Variants in MAP2K4 observed in about 807,000 individuals in gnomAD.
MAP2K4 encodes the protein mitogen-activated protein kinase kinase 4.
MAP2K4 carries 4 observed loss-of-function variants against 48.5 expected under a neutral mutation model. The ratio of observed to expected loss-of-function variants is 0.08; its 90% confidence interval spans 0.04 to 0.19. The LOEUF (loss-of-function observed/expected upper bound fraction) is 0.19. MAP2K4 is among the 10% of genes least tolerant of loss of function. MAP2K4 has a pLI of 1.00. For synonymous variants in MAP2K4, 166 were observed against 173.1 expected (o/e 0.96, Z 0.32); for missense variants, 258 against 493.3 (o/e 0.52, Z 4.52).
chr17:12,047,427 G>A (rs1970003134), intron 1 of MAP2K4, among the ~76,000 whole-genome samples: 1 of 152,148 alleles, frequency 6.6e-6, no homozygotes, highest in African/African-American at 2.4e-5. Flanking sequence ...GGCAGGTATG[G>A]CGCTAAGGCA....
chr17:12,106,034 A>G (rs1972098425), intron 4 of MAP2K4, among the ~76,000 whole-genome samples: 1 of 152,104 alleles, frequency 6.6e-6, no homozygotes, highest in South Asian at 2.1e-4. Flanking sequence ...TTCATAGCTG[A>G]GGATGCGAGG....
chr17:12,107,401 T>G (rs1485295296), intron 4 of MAP2K4, among the ~76,000 whole-genome samples: 2 of 149,586 alleles, frequency 1.3e-5, no homozygotes, highest in Non-Finnish European at 3.0e-5. Context: ...TTTTTTTTTT[T>G]GGCTAATTTA....
chr17:12,063,285 T>A (rs988168577), intron 2 of MAP2K4, among the ~76,000 whole-genome samples: 1 of 152,138 alleles, frequency 6.6e-6, no homozygotes, highest in African/African-American at 2.4e-5. Flanking sequence ...GGTGGAAGGA[T>A]ATTAAGGATA....
chr17:12,105,779 CCTCT>C (rs1364966383), intron 4 of MAP2K4, among the ~76,000 whole-genome samples: 1 of 151,788 alleles, frequency 6.6e-6, no homozygotes, highest in African/African-American at 2.4e-5. Context: ...ATCACAAAGA[CCTCT>C]CTATCTCATT....
chr17:12,032,431 C>A (rs1362654316), intron 1 of MAP2K4: 3 of 410,482 alleles, frequency 7.3e-6, no homozygotes, highest in East Asian at 3.6e-5. Flanking sequence ...ATTTTTCATT[C>A]TTCTTCCAAA....
chr17:12,036,365 A>G (rs1334877907), intron 1 of MAP2K4: 1 of 152,232 alleles, frequency 6.6e-6, no homozygotes, highest in Non-Finnish European at 1.5e-5. Context: ...TTGTACATGT[A>G]AAGGTATTTA....
chr17:12,044,870 C>G (rs1399361829), intron 1 of MAP2K4, among the ~76,000 whole-genome samples: 2 of 152,240 alleles, frequency 1.3e-5, no homozygotes, highest in South Asian at 4.1e-4. Context: ...GCTGGTCTTT[C>G]TGGTCACCAG....
chr17:12,063,666 GTTTT>G (rs1158596863), intron 2 of MAP2K4, among the ~76,000 whole-genome samples: 2 of 152,054 alleles, frequency 1.3e-5, no homozygotes, highest in Non-Finnish European at 2.9e-5. Flanking sequence ...CTCATCAGAA[GTTTT>G]TTAAGAAAAT....
chr17:12,044,070 T>G (rs1969883466), intron 1 of MAP2K4, among the ~76,000 whole-genome samples: 3 of 152,178 alleles, frequency 2.0e-5, no homozygotes. Context: ...ACATTATCGG[T>G]AACAAAAGAC....
At chr17:12,071,999 A>G (rs944520841) in intron 2 of MAP2K4, among the ~76,000 whole-genome samples, 2 of 152,202 alleles carry the variant, frequency 1.3e-5, no homozygotes, top group Non-Finnish European at 2.9e-5. Flanking sequence ...AAAAGTGATG[A>G]ATTCACATGG....
intron 1 of MAP2K4, among the ~76,000 whole-genome samples, chr17:12,022,547 A>G (rs1260007589): frequency 1.3e-5 from 2 of 152,204 alleles, no homozygotes; most frequent in Non-Finnish European, 2.9e-5. Context: ...TATAAAAACA[A>G]GGTGATTTGT....
At chr17:12,075,074 T>C (rs1238910951) in intron 2 of MAP2K4, among the ~76,000 whole-genome samples, 1 of 152,212 alleles carries the variant, frequency 6.6e-6, no homozygotes, top group African/African-American at 2.4e-5. Flanking sequence ...GGGAATAATA[T>C]CTTGAAGACT....
Position 12,081,564 on chromosome 17 carries a change from A to T in MAP2K4, c.393+34A>T. 9 of 1,602,626 alleles carry T rather than the reference A, an allele frequency of 5.6e-6. No homozygotes were observed. The highest frequency in any genetic ancestry group is 7.7e-6 in the Non-Finnish European group (9 of 1,171,766). ...TGCCATGATTATTTTTGGTACTTTA[A>T]TCCATTAGGTGAAATTTCATGGTGC... On this transcript the variant is annotated intron_variant, in intron 3 of 10. Coordinates refer to ENST00000353533, the MANE Select transcript of MAP2K4 (RefSeq NM_003010.4). This position sits in a 1 kb window ranked among gnomAD's most constrained non-coding sequence, Gnocchi z 4.2.
At chr17:12,076,027 G>A (rs1013689808) in intron 2 of MAP2K4, among the ~76,000 whole-genome samples, 21 of 152,058 alleles carry the variant, frequency 1.4e-4, no homozygotes, top group Admixed American at 3.3e-4. Context: ...TGGAAAAAGA[G>A]GTTCAAGTAC....
intron 3 of MAP2K4, among the ~76,000 whole-genome samples, chr17:12,093,267 G>C (rs140743045): frequency 4.3e-4 from 66 of 152,308 alleles, no homozygotes; most frequent in African/African-American, 1.5e-3. Flanking sequence ...TTTCCTGCCA[G>C]TGCTGATGAT....
At chr17:12,108,998 AATG>A (rs1972219561) in intron 5 of MAP2K4, among the ~76,000 whole-genome samples, 1 of 152,076 alleles carries the variant, frequency 6.6e-6, no homozygotes, top group Non-Finnish European at 1.5e-5. Context: ...ATAATAGAAA[AATG>A]ATAATAGCTA....
chr17:12,083,205 A>G (rs912246540), intron 3 of MAP2K4, among the ~76,000 whole-genome samples: 2 of 152,244 alleles, frequency 1.3e-5, no homozygotes, highest in African/African-American at 4.8e-5. Context: ...TAAAAAGGTC[A>G]TAAAGGTAAA....
chr17:12,095,353 T>C (rs1434955396), intron 3 of MAP2K4: 1 of 546,534 alleles, frequency 1.8e-6, no homozygotes, highest in African/African-American at 1.9e-5. Flanking sequence ...TAAATTGCCC[T>C]GTCTCCTTTA....
intron 2 of MAP2K4, among the ~76,000 whole-genome samples, chr17:12,069,102 A>G (rs35494733): frequency 0.46 from 69,949 of 151,944 alleles, 16,954 homozygotes; most frequent in East Asian, 0.56. Flanking sequence ...CATTGTTTCA[A>G]AGTGCAGTTG....
Sources: gnomAD v4.1 joint callset for allele counts (sites outside exome capture counted in the v4.1 genomes callset) on GRCh38, gnomAD v4.1.1 for gene constraint, Gnocchi (gnomAD v3.1) non-coding constraint, MANE v1.5 for transcripts, NCBI Gene and HGNC (gene_info 2026-07-23, HGNC 2026-07-21) for gene names.